Variants in VPS8 observed in about 807,000 individuals in gnomAD.
VPS8 encodes vacuolar protein sorting-associated protein 8 homolog.
A neutral mutation model predicts 216.4 loss-of-function variants in VPS8; 129 were observed. The observed-to-expected ratio is 0.60, with a 90% CI of 0.52 to 0.69. The LOEUF (loss-of-function observed/expected upper bound fraction) is 0.69, where lower values mean the gene tolerates loss of function less well. Among genes scored for constraint, VPS8 ranks in the 30% least tolerant of loss-of-function variants. VPS8 has a pLI of 0.00. For missense variants in VPS8, 1,531 were observed against 1,683.5 expected, an observed-to-expected ratio of 0.91 and a Z score of 1.59; for synonymous variants, 571 against 565.4, an observed-to-expected ratio of 1.01 and a Z score of -0.14.
At chr3:185,006,430 T>C (rs1042125354) in intron 45 of VPS8, among the ~76,000 whole-genome samples, 1 of 152,212 alleles carries the variant, frequency 6.6e-6, no homozygotes, top group South Asian at 2.1e-4. Flanking sequence ...TGAATTATCC[T>C]ACCACCAACC....
intron 27 of VPS8, 51 bp downstream of exon 27, chr3:184,915,104 C>A: frequency 6.3e-7 from 1 of 1,588,496 alleles, no homozygotes; most frequent in Non-Finnish European, 8.6e-7. Flanking sequence ...CTGGTTAAGA[C>A]GCACTGAAGA....
At chr3:185,016,356 T>C (rs1755789524) in intron 45 of VPS8, among the ~76,000 whole-genome samples, 1 of 152,202 alleles carries the variant, frequency 6.6e-6, no homozygotes, top group Non-Finnish European at 1.5e-5. Flanking sequence ...GTAATATTTC[T>C]CGAATGGGGC....
rs775460726 is a variant in VPS8 at position 184,943,482 on chromosome 3, A to G, written c.3035+3239A>G. 8.3e-4 allele frequency among the ~76,000 whole-genome samples: 126 copies of G among 152,332 alleles called. 1 individual carries two copies. The highest frequency in any genetic ancestry group is 1.1e-3 in the Admixed American group (17 of 15,304). On this transcript the variant is annotated intron_variant, in intron 36 of 47. Transcript: ENST00000625842. ...CAGGTACTGGGAAAACTGAGGGAGT[A>G]CAGAATACGGATATAGGGTCAAAAC...
intron 5 of VPS8, among the ~76,000 whole-genome samples, chr3:184,835,709 C>CTTT (rs34896906): frequency 1.1e-4 from 14 of 126,754 alleles, no homozygotes; most frequent in East Asian, 4.6e-4. Flanking sequence ...TTGGATTTTT[C>CTTT]TTTTTTTTTT....
intron 23 of VPS8, among the ~76,000 whole-genome samples, chr3:184,895,897 G>T (rs1733385846): frequency 6.6e-6 from 1 of 151,380 alleles, no homozygotes; most frequent in Admixed American, 6.6e-5. Flanking sequence ...GCCTTCCAAA[G>T]TGCTGAGATT....
chr3:184,839,678 A>G lies in VPS8; in HGVS notation c.481-20A>G, dbSNP rs1297814060. ...TCTTAATGTAATGTCTTAAAACGTA[A>G]TCTTCCCTTTTGTTTTCAGGCAGTA... On this transcript the variant is annotated intron_variant, in intron 6 of 47. Coordinates refer to ENST00000625842, the MANE Select transcript of VPS8 (RefSeq NM_001009921.3). The G allele has an allele frequency of 6.3e-7, 1 of 1,593,224 alleles. No individual in the cohort carries two copies. The highest frequency in any genetic ancestry group is 1.1e-5 in the South Asian group (1 of 87,310).
At chr3:184,928,606 G>T in intron 32 of VPS8, 73 bp downstream of exon 32, 8 of 1,115,078 alleles carry the variant, frequency 7.2e-6, no homozygotes, top group Non-Finnish European at 7.1e-6. Context: ...TTAAAGCTCA[G>T]TTTATTGATA....
intron 29 of VPS8, among the ~76,000 whole-genome samples, chr3:184,920,832 TC>T (rs1322024580): frequency 6.6e-6 from 1 of 152,248 alleles, no homozygotes. Context: ...GAGGTTTCTT[TC>T]TTTTAATGTT....
chr3:185,009,568 T>C (rs568453318), intron 45 of VPS8, among the ~76,000 whole-genome samples: 25 of 152,286 alleles, frequency 1.6e-4, no homozygotes, highest in African/African-American at 6.0e-4. Context: ...AAATGTAATA[T>C]GAAGACTTTC....
intron 1 of VPS8, among the ~76,000 whole-genome samples, chr3:184,820,399 TC>T (rs1243718636): frequency 1.3e-5 from 2 of 152,136 alleles, no homozygotes. Context: ...GCCTCTCTCT[TC>T]CCCTTTCAAG....
chr3:184,906,105 T>G (rs1371300031), intron 25 of VPS8, among the ~76,000 whole-genome samples: 2 of 152,188 alleles, frequency 1.3e-5, no homozygotes, highest in Non-Finnish European at 2.9e-5. Context: ...GCTACAAATA[T>G]TCCTCAAAGC....
Position 184,983,035 on chromosome 3 carries a change from G to A in VPS8, c.3526G>A (p.Val1176Ile). ...AGCTCTGAAGTCTTTGACCATGCAA[G>A]TTTTAAATAGCATGGCAGCATTTAT... ...SEALKSLTMQ[V>I]LNSMAAFIAL... Residue 1176 changes from valine to isoleucine, a missense_variant, in exon 42 of 48, where the codon GTT becomes ATT. Physicochemically the swap from Val to Ile is conservative, Grantham distance 29 (BLOSUM62 3). This residue lies in a region of VPS8 where 1,318 missense variants were observed against 1,468.4 expected (regional missense o/e 0.90). Coordinates refer to ENST00000625842, the MANE Select transcript of VPS8 (RefSeq NM_001009921.3). 4 of 1,608,920 alleles carry A rather than the reference G, an allele frequency of 2.5e-6. No individual in the cohort carries two copies. Among genetic ancestry groups the A allele is most frequent in the Non-Finnish European group, 2.5e-6 (3 of 1,177,198 alleles).
intron 45 of VPS8, among the ~76,000 whole-genome samples, chr3:185,000,071 GACATTT>G (rs1185284020): frequency 6.6e-6 from 1 of 152,178 alleles, no homozygotes; most frequent in African/African-American, 2.4e-5. Context: ...AGCAACAGAT[GACATTT>G]TCTGCCTTTA....
intron 36 of VPS8, among the ~76,000 whole-genome samples, chr3:184,953,313 C>T (rs922134149): frequency 6.6e-6 from 1 of 152,170 alleles, no homozygotes; most frequent in Non-Finnish European, 1.5e-5. Context: ...AATTGCAAAT[C>T]ACTACATGGA....
intron 25 of VPS8, among the ~76,000 whole-genome samples, chr3:184,910,121 T>C: frequency 6.8e-6 from 1 of 146,004 alleles, no homozygotes; most frequent in East Asian, 2.0e-4. Flanking sequence ...CTTTGCAAGA[T>C]TCTCCTATTT....
At chr3:184,892,427 G>C (rs1329249140) in intron 22 of VPS8, among the ~76,000 whole-genome samples, 1 of 152,090 alleles carries the variant, frequency 6.6e-6, no homozygotes, top group Non-Finnish European at 1.5e-5. Context: ...AGGTTGGCCA[G>C]GCTGGTGTCA....
chr3:184,840,215 AT>A, intron 7 of VPS8: 2 of 152,940 alleles, frequency 1.3e-5, no homozygotes, highest in Non-Finnish European at 1.5e-5. Flanking sequence ...TCTAAACCGA[AT>A]TTTTTTTGGC....
chr3:184,891,585 T>A (rs976517807), intron 22 of VPS8, among the ~76,000 whole-genome samples: 1 of 152,208 alleles, frequency 6.6e-6, no homozygotes, highest in Admixed American at 6.5e-5. Flanking sequence ...TTCAGTAGTT[T>A]TTAGTGTATT....
rs188479548 is a variant in VPS8, at chr3:185,014,679, C to T, written c.4003-9657C>T. ...AGATTCAGTTGCATATGAGGTGTCCCATAGTCCCTGTTTCTCCCCCCTTTT... is the reference window on the plus strand; with the variant it reads ...AGATTCAGTTGCATATGAGGTGTCCTATAGTCCCTGTTTCTCCCCCCTTTT... On this transcript the variant is annotated intron_variant, in intron 45 of 47. Coordinates refer to ENST00000625842, the MANE Select transcript of VPS8 (RefSeq NM_001009921.3). 1.6e-3 allele frequency among the ~76,000 whole-genome samples: 245 copies of T among 152,242 alleles called. 2 individuals are homozygous for T. Among genetic ancestry groups the T allele is most frequent in the African/African-American group, 4.9e-3 (204 of 41,540 alleles).
Sources: allele counts gnomAD v4.1 joint callset (sites outside exome capture counted in the v4.1 genomes callset), GRCh38; gene constraint gnomAD v4.1.1; regional missense constraint gnomAD v4.1.1; transcripts MANE v1.5; gene names NCBI Gene and HGNC (gene_info 2026-07-23, HGNC 2026-07-21).